Variants in PTPN2 observed in about 807,000 individuals in gnomAD.
The protein encoded by PTPN2 is protein tyrosine phosphatase non-receptor type 2.
Under a neutral mutation model 57.3 loss-of-function variants are expected in PTPN2, and 19 were observed. The ratio of observed to expected loss-of-function variants is 0.33; its 90% CI spans 0.23 to 0.49. The LOEUF is 0.49. Ranked by LOEUF, PTPN2 falls within the 20% of genes least tolerant of loss-of-function variation. The probability of loss-of-function intolerance (pLI) is 0.99; values close to 1 mark genes in which losing one functional copy is unlikely to be tolerated. For missense variants in PTPN2, 358 were observed against 501.1 expected (o/e 0.71, Z 2.73); for synonymous variants, 153 against 164.9 (o/e 0.93, Z 0.55).
At chr18:12,883,771 C>T (rs1371019394) in intron 1 of PTPN2, 2 of 281,900 alleles carry the variant, frequency 7.1e-6, no homozygotes, top group South Asian at 9.5e-5. Flanking sequence ...CCGCGCAACG[C>T]TGGTGGCGCA....
intron 3 of PTPN2, 85 bp downstream of exon 3, chr18:12,836,701 GAAGTC>G: frequency 3.9e-6 from 3 of 761,258 alleles, no homozygotes; most frequent in Admixed American, 2.7e-5. Context: ...ATTTCCAAAA[GAAGTC>G]AAGATATACT....
At chr18:12,840,955 A>G in intron 2 of PTPN2, 3 of 1,468,508 alleles carry the variant, frequency 2.0e-6, no homozygotes, top group African/African-American at 1.4e-5. Flanking sequence ...TGTTCCCTGC[A>G]TTGAATACTT....
chr18:12,861,100 A>G (rs1041066983), intron 1 of PTPN2, among the ~76,000 whole-genome samples: 10 of 152,144 alleles, frequency 6.6e-5, no homozygotes, highest in Non-Finnish European at 1.3e-4. Flanking sequence ...TCAGCCTCCC[A>G]AAGTGCTAGG....
chr18:12,789,856 C>A (rs561936487), downstream of PTPN2, among the ~76,000 whole-genome samples: 1 of 107,676 alleles, frequency 9.3e-6, no homozygotes, highest in East Asian at 3.6e-4. Flanking sequence ...ATATATCTCT[C>A]TGTATGTGTG....
intron 2 of PTPN2, among the ~76,000 whole-genome samples, chr18:12,851,888 G>A (rs1280476950): frequency 6.6e-6 from 1 of 151,568 alleles, no homozygotes; most frequent in Non-Finnish European, 1.5e-5. Context: ...TTTAAAATCT[G>A]ACTGTTTCAC....
downstream of PTPN2, chr18:12,787,478 G>C (rs2040871693): frequency 6.6e-6 from 1 of 152,200 alleles, no homozygotes; most frequent in South Asian, 2.1e-4. Flanking sequence ...TAAGCTGGCT[G>C]GCAGAATTTT....
rs532990823 is a variant in PTPN2 at position 12,854,221 on chromosome 18, A to C, written c.160+4943T>G. 5.0e-4 allele frequency among the ~76,000 whole-genome samples: 76 copies of C among 152,112 alleles called. 1 individual carries two copies. Among genetic ancestry groups the C allele is most frequent in the African/African-American group, 1.8e-3 (75 of 41,510 alleles). Reference sequence around the variant, plus strand: ...AAAAAATCTAAAAAACTAGCTCAGCATGGTGGCATGCACCTGTAGTCCCAG... The same window carrying C: ...AAAAAATCTAAAAAACTAGCTCAGCCTGGTGGCATGCACCTGTAGTCCCAG... On this transcript the variant is annotated intron_variant, in intron 2 of 8. Transcript: ENST00000309660.
chr18:12,831,076 A>G (rs2042651718), intron 3 of PTPN2, 35 bp from the exon 4 acceptor site: 3 of 1,455,042 alleles, frequency 2.1e-6, no homozygotes, highest in Non-Finnish European at 2.9e-6. Context: ...AGATGAGGGA[A>G]GCAGACAGAA....
intron 8 of PTPN2, among the ~76,000 whole-genome samples, chr18:12,797,667 A>G (rs1393528066): frequency 6.6e-6 from 1 of 152,162 alleles, no homozygotes; most frequent in African/African-American, 2.4e-5. Context: ...GGGCCTAAAG[A>G]AATTATGTCT....
At chr18:12,880,639 C>G (rs973449769) in intron 1 of PTPN2, 3 of 152,306 alleles carry the variant, frequency 2.0e-5, no homozygotes, top group Non-Finnish European at 4.4e-5. Flanking sequence ...CCCTCAACTC[C>G]CTCCACTGCT....
chr18:12,785,842 G>T, exon 10 of PTPN2: 1 of 1,607,794 alleles, frequency 6.2e-7, no homozygotes, highest in South Asian at 1.1e-5. Flanking sequence ...TGTCAATCTT[G>T]GCCTAAAACA....
intron 2 of PTPN2, among the ~76,000 whole-genome samples, chr18:12,844,689 A>G (rs867179614): frequency 6.6e-6 from 1 of 152,148 alleles, no homozygotes; most frequent in South Asian, 2.1e-4. Context: ...CATTTTCTCC[A>G]AGTCTGTACT....
chr18:12,852,562 C>G (rs2043435217), intron 2 of PTPN2, among the ~76,000 whole-genome samples: 1 of 152,198 alleles, frequency 6.6e-6, no homozygotes, highest in Non-Finnish European at 1.5e-5. Flanking sequence ...ATTGCTCAGG[C>G]TGGAGTGCAG....
chr18:12,858,843 G>T (rs1173804074), intron 2 of PTPN2, among the ~76,000 whole-genome samples: 1 of 152,112 alleles, frequency 6.6e-6, no homozygotes. Context: ...GGAATGATAT[G>T]AAAAGGAAAT....
chr18:12,788,619 T>C, downstream of PTPN2, among the ~76,000 whole-genome samples: 1 of 151,876 alleles, frequency 6.6e-6, no homozygotes, highest in East Asian at 1.9e-4. Context: ...TGTTACCCTT[T>C]AGAGACAAGG....
chr18:12,792,987 G>C lies in PTPN2; in HGVS notation c.*1291C>G. On this transcript the variant is annotated 3_prime_UTR_variant, in exon 9 of 9. Coordinates refer to ENST00000309660, the MANE Select transcript of PTPN2 (RefSeq NM_002828.4). ...AAAGAGACAAGGCAGAGATGCTGTG[G>C]TTGAAAGTAACCTCTTGACCCACCT... 2 of 984,642 alleles carry C rather than the reference G, an allele frequency of 2.0e-6. No individual in the cohort carries two copies. Among genetic ancestry groups the C allele is most frequent in the Non-Finnish European group, 2.4e-6 (2 of 829,210 alleles). 61.0% of individuals were successfully genotyped at this position (984,642 alleles called of 1,614,324 possible). A position where few individuals can be genotyped will look rare whatever the true frequency, so the allele number is the denominator to read the frequency against.
intron 5 of PTPN2, among the ~76,000 whole-genome samples, chr18:12,819,699 A>G (rs1188399824): frequency 3.9e-5 from 6 of 152,168 alleles, no homozygotes; most frequent in African/African-American, 1.4e-4. Context: ...AGAGAATTCA[A>G]AACATTCTAA....
chr18:12,798,836 G>A (rs1370540781), intron 8 of PTPN2, among the ~76,000 whole-genome samples: 2 of 152,136 alleles, frequency 1.3e-5, no homozygotes, highest in African/African-American at 2.4e-5. Flanking sequence ...TCACCACACT[G>A]TCTTCCACAA....
intron 5 of PTPN2, chr18:12,819,284 TA>T: frequency 7.3e-7 from 1 of 1,365,378 alleles, no homozygotes; most frequent in Non-Finnish European, 9.8e-7. Context: ...CTCAATATAC[TA>T]AAAGCAATAA....
Sources: allele counts gnomAD v4.1 joint callset (sites outside exome capture counted in the v4.1 genomes callset), GRCh38; gene constraint gnomAD v4.1.1; transcripts MANE v1.5; gene names NCBI Gene and HGNC (gene_info 2026-07-23, HGNC 2026-07-21).